Variants in PSPC1 observed in about 807,000 individuals in gnomAD.
PSPC1 encodes the protein paraspeckle component 1, also known as paraspeckle protein 1.
PSPC1 carries 14 observed loss-of-function variants against 51.6 expected under a neutral mutation model. That is an observed-to-expected ratio of 0.27 (90% CI 0.18 to 0.42). The LOEUF is 0.42. Ranked by LOEUF, PSPC1 falls within the 10% of genes least tolerant of loss-of-function variation. PSPC1 has a pLI of 1.00. For synonymous variants in PSPC1, 193 were observed against 231.9 expected (o/e 0.83, Z 1.53); for missense variants, 406 against 701.1 (o/e 0.58, Z 4.75).
chr13:19,698,931 AC>A (rs1879577565), downstream of PSPC1, among the ~76,000 whole-genome samples: 1 of 151,914 alleles, frequency 6.6e-6, no homozygotes, highest in African/African-American at 2.4e-5. Context: ...AAAAACACAT[AC>A]ACTGTTAATT....
At chr13:19,773,284 C>G (rs1888792849) in intron 1 of PSPC1, among the ~76,000 whole-genome samples, 1 of 143,490 alleles carries the variant, frequency 7.0e-6, no homozygotes, top group African/African-American at 2.6e-5. Context: ...GAATCTGGCA[C>G]TGTCACCCGG....
chr13:19,674,855 C>T (rs894829622), exon 8 of PSPC1: 75 of 152,308 alleles, frequency 4.9e-4, no homozygotes, highest in African/African-American at 1.6e-3. Flanking sequence ...AAGTCAAGAC[C>T]ACTATGGAAT....
chr13:19,677,246 AAAAAG>A (rs1325462899), intron 7 of PSPC1, among the ~76,000 whole-genome samples: 2 of 152,252 alleles, frequency 1.3e-5, no homozygotes, highest in African/African-American at 4.8e-5. Flanking sequence ...AAAAAAAAAA[AAAAAG>A]AGATTACATA....
intron 4 of PSPC1, among the ~76,000 whole-genome samples, chr13:19,742,260 C>CAAA (rs36104148): frequency 0.026 from 3,073 of 118,712 alleles, 70 homozygotes; most frequent in Middle Eastern, 0.055. Context: ...GACTCAATCT[C>CAAA]AAAAAAAAAA....
Position 19,772,446 on chromosome 13 carries a change from G to T in PSPC1, c.470C>A (p.Ala157Asp). ...TGGAGAAAGGTTCTTGACAGTCAAG[G>T]CTGCTCCATGTGTAGCGAAGCGAAT... The part of the protein sequence containing the change: ...LRIRFATHGA[A>D]LTVKNLSPVV... The change falls in exon 2 of 9, where the codon GCC (alanine) becomes GAC (aspartate). Residue 157 changes from alanine to aspartate, a missense_variant. Coordinates refer to ENST00000338910, the MANE Select transcript of PSPC1 (RefSeq NM_001354909.2). 2 of 1,614,236 alleles carry T rather than the reference G, an allele frequency of 1.2e-6. No individual in the cohort carries two copies. Among genetic ancestry groups the T allele is most frequent in the Non-Finnish European group, 1.7e-6 (2 of 1,180,052 alleles).
At chr13:19,755,930 G>A (rs1887020412) in intron 3 of PSPC1, among the ~76,000 whole-genome samples, 1 of 152,072 alleles carries the variant, frequency 6.6e-6, no homozygotes, top group South Asian at 2.1e-4. Flanking sequence ...GGCACTCCAA[G>A]TTTTATTTAT....
At chr13:19,780,876 G>C (rs921176402) in intron 1 of PSPC1, among the ~76,000 whole-genome samples, 1 of 152,140 alleles carries the variant, frequency 6.6e-6, no homozygotes, top group Non-Finnish European at 1.5e-5. Flanking sequence ...CAAAGTTCCA[G>C]GCCGGACACA....
chr13:19,730,314 T>A lies in PSPC1; in HGVS notation c.1083A>T (p.Glu361Asp), dbSNP rs375996002. The change falls in exon 6 of 9, where the codon GAA becomes GAT. Residue 361 changes from glutamate to aspartate, a missense_variant. Glu to Asp is a conservative substitution (Grantham distance 45). Transcript: ENST00000338910. ...RHEEEHRRREEEMIRHREQEE... is the reference protein window; with the variant it reads ...RHEEEHRRREDEMIRHREQEE... The stretch of plus-strand genomic sequence containing the variant: ...CCTGTTCTCTGTGTCGGATCATTTC[T>A]TCCTCACGCCGCCGATGCTCCTCTT... 1 of 1,614,182 alleles carries A rather than the reference T, an allele frequency of 6.2e-7. No homozygotes were observed. The highest frequency in any genetic ancestry group is 8.5e-7 in the Non-Finnish European group (1 of 1,180,026).
At chr13:19,756,946 G>A (rs928744423) in intron 3 of PSPC1, among the ~76,000 whole-genome samples, 19 of 151,408 alleles carry the variant, frequency 1.3e-4, no homozygotes, top group African/African-American at 3.4e-4. Flanking sequence ...TGGCTAACAC[G>A]GTGAAACCCC....
chr13:19,713,414 AG>A (rs1204109901), intron 6 of PSPC1, among the ~76,000 whole-genome samples: 1 of 152,090 alleles, frequency 6.6e-6, no homozygotes, highest in Non-Finnish European at 1.5e-5. Flanking sequence ...AACTTAGTCA[AG>A]GTCATATGGA....
intron 5 of PSPC1, among the ~76,000 whole-genome samples, chr13:19,739,471 G>A (rs1885189515): frequency 6.6e-6 from 1 of 152,190 alleles, no homozygotes; most frequent in Non-Finnish European, 1.5e-5. Flanking sequence ...GATCTGGCCG[G>A]GCGTGGTGGC....
chr13:19,770,912 C>A (rs960551685), intron 2 of PSPC1, among the ~76,000 whole-genome samples: 12 of 150,178 alleles, frequency 8.0e-5, no homozygotes, highest in Middle Eastern at 3.4e-3. Flanking sequence ...AAAAAACAAA[C>A]AAAAAAAACA....
At chr13:19,730,990 C>A (rs1884042705) in intron 5 of PSPC1, among the ~76,000 whole-genome samples, 1 of 128,368 alleles carries the variant, frequency 7.8e-6, no homozygotes, top group Admixed American at 8.1e-5. Flanking sequence ...CAGAAAAAGT[C>A]TGAGATCTAC....
intron 3 of PSPC1, among the ~76,000 whole-genome samples, chr13:19,754,089 T>C (rs1460571812): frequency 6.6e-6 from 1 of 151,994 alleles, no homozygotes; most frequent in Non-Finnish European, 1.5e-5. Flanking sequence ...TTTCTTTCTT[T>C]CTTTTTTTTT....
At chr13:19,721,481 C>T (rs895349904) in intron 6 of PSPC1, among the ~76,000 whole-genome samples, 3 of 152,054 alleles carry the variant, frequency 2.0e-5, no homozygotes, top group Non-Finnish European at 4.4e-5. Context: ...ATGAGGTATA[C>T]CTACAACACA....
At chr13:19,677,101 C>A (rs1025641518) in intron 7 of PSPC1, among the ~76,000 whole-genome samples, 1 of 151,984 alleles carries the variant, frequency 6.6e-6, no homozygotes, top group Admixed American at 6.5e-5. Flanking sequence ...GGCATGGTGG[C>A]AGGCGCCTGT....
At chr13:19,689,986 A>C (rs982958269) in intron 6 of PSPC1, among the ~76,000 whole-genome samples, 3 of 152,204 alleles carry the variant, frequency 2.0e-5, no homozygotes, top group African/African-American at 7.2e-5. Flanking sequence ...GAAACTGGTA[A>C]CTCTTAAGAA....
intron 6 of PSPC1, among the ~76,000 whole-genome samples, chr13:19,728,495 ATTGT>A (rs1883649152): frequency 7.1e-6 from 1 of 140,176 alleles, no homozygotes; most frequent in Non-Finnish European, 1.6e-5. Flanking sequence ...CAGCATTAAA[ATTGT>A]TTAACAATTT....
chr13:19,780,104 T>A, intron 1 of PSPC1, among the ~76,000 whole-genome samples: 1 of 90,672 alleles, frequency 1.1e-5, no homozygotes, highest in Non-Finnish European at 2.4e-5. Context: ...GGAGCCCCTC[T>A]GCCCGGCCAG....
Sources: gnomAD v4.1 joint callset for allele counts (sites outside exome capture counted in the v4.1 genomes callset) on GRCh38, gnomAD v4.1.1 for gene constraint, MANE v1.5 for transcripts, NCBI Gene and HGNC (gene_info 2026-07-23, HGNC 2026-07-21) for gene names.